The following CCDC180 variants were observed in gnomAD, a reference collection of about 807,000 sequenced individuals.
CCDC180 encodes the protein coiled-coil domain-containing protein 180.
A neutral mutation model predicts 209.2 loss-of-function variants in CCDC180; 154 were observed. The ratio of observed to expected loss-of-function variants is 0.74; its 90% CI spans 0.65 to 0.84. The LOEUF is 0.84. CCDC180 is among the 40% of genes least tolerant of loss of function. The probability of loss-of-function intolerance (pLI) is 0.00; values close to 1 mark genes in which losing one functional copy is unlikely to be tolerated. For synonymous variants in CCDC180, 778 were observed against 749.1 expected (o/e 1.04, Z -0.63); for missense variants, 1,874 against 1,997.3 (o/e 0.94, Z 1.18).
intron 18 of CCDC180, among the ~76,000 whole-genome samples, chr9:97,341,152 G>A (rs143694905): frequency 0.01 from 1,586 of 152,250 alleles, 14 homozygotes; most frequent in Middle Eastern, 0.02. Context: ...ACCCATCATT[G>A]GAGATGACTC....
intron 3 of CCDC180, among the ~76,000 whole-genome samples, chr9:97,311,033 T>A (rs1832968768): frequency 6.6e-6 from 1 of 152,132 alleles, no homozygotes; most frequent in South Asian, 2.1e-4. Flanking sequence ...GGGCACCCTG[T>A]CTCCCTCAGG....
At chr9:97,326,526 T>C (rs946142111) in intron 14 of CCDC180, 28 bp from the exon 15 acceptor site, 1 of 1,362,780 alleles carries the variant, frequency 7.3e-7, no homozygotes, top group Admixed American at 1.7e-5. Flanking sequence ...TCACATCTGC[T>C]TCCTCTTGTT....
Position 97,362,438 on chromosome 9 carries a change from G to A in CCDC180, c.3899G>A (p.Gly1300Asp). The change falls in exon 28 of 37, where the codon GGC (glycine) becomes GAC (aspartate). Residue 1300 changes from glycine to aspartate, a missense_variant. By Grantham distance (94) the Gly-to-Asp change is moderately conservative (BLOSUM62 -1). Coordinates refer to ENST00000529487, the MANE Select transcript of CCDC180 (RefSeq NM_020893.6). ...CCCAGTGCCAGTGCTACCTCTGCAG[G>A]CAGGTAGGACACAAAGCAGCCAGAA... The part of the protein sequence containing the change: ...AVPSASATSA[G>D]SFTPHPKPNK... The A allele has an allele frequency of 6.2e-7, 1 of 1,613,330 alleles. No individual in the cohort carries two copies. Among genetic ancestry groups the A allele is most frequent in the South Asian group, 1.1e-5 (1 of 90,994 alleles).
chr9:97,313,270 G>A lies in CCDC180; in HGVS notation c.384G>A (p.Arg128=). ...PEKISTSTFQ[R]QAEHKRKSYE... ...AGATAAGCACCAGCACCTTTCAAAGGCAAGCAGAACACAAGAGGAAGAGCT... is the reference window on the plus strand; with the variant it reads ...AGATAAGCACCAGCACCTTTCAAAGACAAGCAGAACACAAGAGGAAGAGCT... Residue 128 remains arginine (R), a synonymous_variant, in exon 5 of 37, where the codon AGG becomes AGA. Transcript: ENST00000529487. 6.2e-7 allele frequency: 1 copy of A among 1,612,066 alleles called. No individual in the cohort carries two copies. Among genetic ancestry groups the A allele is most frequent in the Non-Finnish European group, 8.5e-7 (1 of 1,178,732 alleles).
At chr9:97,374,106 A>G (rs1827174277) in intron 34 of CCDC180, 1 of 159,126 alleles carries the variant, frequency 6.3e-6, no homozygotes, top group Non-Finnish European at 1.4e-5. Flanking sequence ...CCCCTGATCT[A>G]GAAAGAACAT....
intron 16 of CCDC180, 120 bp from the exon 17 acceptor site, chr9:97,330,034 C>A: frequency 1.2e-6 from 1 of 858,738 alleles, no homozygotes; most frequent in Non-Finnish European, 1.8e-6. Flanking sequence ...CGCCACTGCA[C>A]TCCAGCCTTG....
intron 1 of CCDC180, 78 bp downstream of exon 1, chr9:97,307,884 T>C: frequency 2.5e-6 from 4 of 1,598,316 alleles, no homozygotes; most frequent in Non-Finnish European, 3.4e-6. Context: ...CAGAGAGTCC[T>C]TCCCCGGGGA....
At chr9:97,362,641 GCCACCTT>G (rs1317114457) in intron 28 of CCDC180, among the ~76,000 whole-genome samples, 200 bp downstream of exon 28, 2 of 151,018 alleles carry the variant, frequency 1.3e-5, no homozygotes, top group East Asian at 1.9e-4. Flanking sequence ...TCTCAGCCGT[GCCACCTT>G]CCACACACGG....
rs1467190716 is a variant in CCDC180 at position 97,370,712 on chromosome 9, C to T, written c.4422C>T (p.His1474=). 1 of 1,614,146 alleles carries T rather than the reference C, an allele frequency of 6.2e-7. No homozygotes were observed. The highest frequency in any genetic ancestry group is 1.1e-5 in the South Asian group (1 of 91,086). Reference sequence around the variant, plus strand: ...ATTTCCAAGAAATGGAGTCTCTACACTTAAGTGAAGAGGAAAGGCAGGAAG... The same window carrying T: ...ATTTCCAAGAAATGGAGTCTCTACATTTAAGTGAAGAGGAAAGGCAGGAAG... ...PVHFQEMESL[H]LSEEERQEEL... Residue 1474 remains histidine, a synonymous_variant, in exon 33 of 37, where the codon CAC becomes CAT. Transcript: ENST00000529487.
chr9:97,314,332 A>G (rs1833084891), intron 5 of CCDC180, 61 bp from the exon 6 acceptor site: 1 of 1,601,340 alleles, frequency 6.2e-7, no homozygotes, highest in African/African-American at 1.3e-5. Flanking sequence ...CATGACAGGG[A>G]AGGCTCCCTC....
In CCDC180 at chr9:97,328,877, A is replaced by G. The variant is rs1022504120; in HGVS notation, c.1788+731A>G. On this transcript the variant is annotated intron_variant, in intron 16 of 36. Transcript: ENST00000529487. ...GCAAGTATGCCTTAATTTTTATTCA[A>G]TTTTGATTGTCATTAGCACAAGGGT... Among the ~76,000 whole-genome samples the G allele has an allele frequency of 4.6e-5, 7 of 152,186 alleles. No homozygotes were observed. In the South Asian group the frequency reaches 8.3e-4, roughly 18 times the overall value.
chr9:97,311,970 G>T (rs1043111953), intron 3 of CCDC180, 143 bp from the exon 4 acceptor site: 4 of 693,402 alleles, frequency 5.8e-6, no homozygotes, highest in Non-Finnish European at 7.6e-6. Context: ...CTGCCTCAGG[G>T]CTCTCTGGAA....
In CCDC180 at chr9:97,314,983, A is replaced by G. The variant is rs1478318571; in HGVS notation, c.795+37A>G. 2.6e-6 allele frequency: 4 copies of G among 1,539,620 alleles called. No homozygotes were observed. The African/African-American group carries it at 4.1e-5, about 16-fold the overall frequency. On this transcript the variant is annotated intron_variant, in intron 8 of 36. Transcript: ENST00000529487. The stretch of plus-strand genomic sequence containing the variant: ...TCCTGTGCAGGGATCAGCCCATGGG[A>G]GAAGGGGCAGGACCAGGAACCCAGG...
At position 97,308,009 on chromosome 9, in the gene CCDC180, A is replaced by G. The variant is rs1232869876; in HGVS notation, c.-55A>G. On this transcript the variant is annotated 5_prime_UTR_variant, in exon 2 of 37. Transcript: ENST00000529487. ...AATTGGAATTGAGACACCAAAGCCT[A>G]GACGCGTTTCCTGGACGACGGCTTC... is the stretch of plus-strand genomic sequence containing the variant. The G allele has an allele frequency of 2.5e-6, 4 of 1,608,710 alleles. No individual in the cohort carries two copies. The highest frequency in any genetic ancestry group is 3.4e-5 in the Admixed American group (2 of 59,196).
chr9:97,331,847 T>C (rs542702070), intron 18 of CCDC180, among the ~76,000 whole-genome samples: 79 of 152,320 alleles, frequency 5.2e-4, no homozygotes, highest in South Asian at 2.5e-3. Context: ...ATTCTGTAGG[T>C]TGTCTGTTTA....
At chr9:97,352,691 T>C (rs1826453383) in intron 22 of CCDC180, among the ~76,000 whole-genome samples, 1 of 152,300 alleles carries the variant, frequency 6.6e-6, no homozygotes, top group Admixed American at 6.5e-5. Flanking sequence ...TTTCTGATTA[T>C]AAAAATAGAA....
intron 28 of CCDC180, among the ~76,000 whole-genome samples, chr9:97,362,908 G>A (rs1211714286): frequency 1.3e-5 from 2 of 152,242 alleles, no homozygotes; most frequent in Admixed American, 1.3e-4. Flanking sequence ...GGGAATCCCT[G>A]CTTTGCCTTT....
chr9:97,368,421 C>T (rs1158524465), intron 31 of CCDC180, among the ~76,000 whole-genome samples: 2 of 152,122 alleles, frequency 1.3e-5, no homozygotes, highest in East Asian at 3.9e-4. Context: ...GAGCAAGCCA[C>T]CTATAGCTGG....
At chr9:97,343,846 A>T (rs1261404367) in intron 19 of CCDC180, among the ~76,000 whole-genome samples, 7 of 152,184 alleles carry the variant, frequency 4.6e-5, no homozygotes, top group Admixed American at 4.6e-4. Flanking sequence ...TCCCTGACAG[A>T]TACTTTTGGG....
Sources: allele counts gnomAD v4.1 joint callset (sites outside exome capture counted in the v4.1 genomes callset), GRCh38; gene constraint gnomAD v4.1.1; transcripts MANE v1.5; gene names NCBI Gene and HGNC (gene_info 2026-07-23, HGNC 2026-07-21).